The following MAST2 variants were observed in gnomAD, a reference collection of about 807,000 sequenced individuals.
MAST2 encodes microtubule associated serine/threonine kinase 2.
A neutral mutation model predicts 147.4 loss-of-function variants in MAST2; 70 were observed. The ratio of observed to expected loss-of-function variants is 0.47; its 90% CI spans 0.39 to 0.58. The LOEUF (loss-of-function observed/expected upper bound fraction) is 0.58, where lower values mean the gene tolerates loss of function less well. Ranked by LOEUF, MAST2 falls within the 20% of genes least tolerant of loss-of-function variation. The pLI, the probability that MAST2 is intolerant of heterozygous loss-of-function variation, is 0.00. For missense variants in MAST2, 2,080 were observed against 2,302.3 expected (o/e 0.90, Z 1.98); for synonymous variants, 869 against 896.8 (o/e 0.97, Z 0.55).
At chr1:45,948,049 C>T (rs1444072795) in intron 4 of MAST2, among the ~76,000 whole-genome samples, 1 of 152,144 alleles carries the variant, frequency 6.6e-6, no homozygotes, top group Non-Finnish European at 1.5e-5. Flanking sequence ...ACAACTTCAG[C>T]AAAGTTTCAG....
Position 45,849,276 on chromosome 1 carries a change from G to A in MAST2, c.468+19695G>A, listed in dbSNP as rs542806135. Among the ~76,000 whole-genome samples the A allele has an allele frequency of 2.0e-5, 3 of 152,186 alleles. No individual in the cohort carries two copies. In the South Asian group the frequency reaches 6.2e-4, roughly 32 times the overall value. ...CCAAAAAAGAGCTTGAATAGCCAAGGCAGTCCTAAGCAAAGAGAACAAAAC... is the reference window on the plus strand; with the variant it reads ...CCAAAAAAGAGCTTGAATAGCCAAGACAGTCCTAAGCAAAGAGAACAAAAC... On this transcript the variant is annotated intron_variant, in intron 3 of 28. Coordinates refer to ENST00000361297, the MANE Select transcript of MAST2 (RefSeq NM_015112.3).
Position 46,030,206 on chromosome 1 carries a change from C to T in MAST2, c.2521C>T (p.Gln841Ter), listed in dbSNP as rs1291166290. Residue 841 changes from glutamine (Q) to a stop codon, truncating the protein, a stop_gained, in exon 21 of 29, where the codon CAG becomes TAG. Transcript: ENST00000361297. LOFTEE classifies it high-confidence loss of function. ...TGAGGATGGCTGCCTTGAGATCCGCCAGTTCTCTTCCTGCTCTCCAAGGTT... is the reference window on the plus strand; with the variant it reads ...TGAGGATGGCTGCCTTGAGATCCGCTAGTTCTCTTCCTGCTCTCCAAGGTT... ...VSEDGCLEIR[Q>*]FSSCSPRFNK... 2 of 1,614,192 alleles carry T rather than the reference C, an allele frequency of 1.2e-6. No homozygotes were observed. The highest frequency in any genetic ancestry group is 1.7e-6 in the Non-Finnish European group (2 of 1,180,022).
Position 45,824,460 on chromosome 1 carries a change from C to A in MAST2, c.205C>A (p.Leu69Ile). ...TGTAGTAACTGGAGTTAGTCCCCTG[C>A]TCTTCAGGAAACTCAGTAATCCTGA... is the stretch of plus-strand genomic sequence containing the variant. Reference protein sequence around the residue: ...QDVVTGVSPLLFRKLSNPDIF... With the variant: ...QDVVTGVSPLIFRKLSNPDIF... The change falls in exon 2 of 29, where the codon CTC (leucine) becomes ATC (isoleucine). Residue 69 changes from leucine (L) to isoleucine (I), a missense_variant. Physicochemically the swap from Leu to Ile is conservative, Grantham distance 5. Transcript: ENST00000361297. 6.2e-7 allele frequency: 1 copy of A among 1,609,884 alleles called. No individual in the cohort carries two copies. Among genetic ancestry groups the A allele is most frequent in the Non-Finnish European group, 8.5e-7 (1 of 1,177,478 alleles).
chr1:45,825,992 G>A (rs1443807928), intron 2 of MAST2, among the ~76,000 whole-genome samples: 4 of 151,912 alleles, frequency 2.6e-5, no homozygotes, highest in African/African-American at 7.2e-5. Flanking sequence ...CACAAGAATC[G>A]CTTGAACCTG....
rs571863638 is a variant in MAST2 at position 46,030,122 on chromosome 1, G to A, written c.2444-7G>A. ...CTGAAGGAAAGTGTCCTTTATGTCT[G>A]GCCCAGCCCGCTCAGAGCGATACCA... On this transcript the variant is annotated splice_polypyrimidine_tract_variant and splice_region_variant and intron_variant, in intron 20 of 28. Coordinates refer to ENST00000361297, the MANE Select transcript of MAST2 (RefSeq NM_015112.3). 6.2e-7 allele frequency: 1 copy of A among 1,613,866 alleles called. No individual in the cohort carries two copies. Among genetic ancestry groups the A allele is most frequent in the Non-Finnish European group, 8.5e-7 (1 of 1,179,730 alleles).
chr1:45,857,126 T>A (rs1645815393), intron 3 of MAST2, among the ~76,000 whole-genome samples: 1 of 152,230 alleles, frequency 6.6e-6, no homozygotes, highest in African/African-American at 2.4e-5. Flanking sequence ...TTAATGCCTG[T>A]CTACATCCAC....
At chr1:45,909,527 T>C (rs77669167) in intron 4 of MAST2, among the ~76,000 whole-genome samples, 2 of 151,652 alleles carry the variant, frequency 1.3e-5, no homozygotes, top group South Asian at 2.1e-4. Flanking sequence ...TTTTTTTTTT[T>C]CCTTCTTTTT....
At chr1:46,011,719 C>T (rs1645722707) in intron 10 of MAST2, among the ~76,000 whole-genome samples, 1 of 152,184 alleles carries the variant, frequency 6.6e-6, no homozygotes, top group Non-Finnish European at 1.5e-5. Flanking sequence ...CAGACCAAGA[C>T]CTCTCTCTCT....
At chr1:45,923,714 G>A (rs1326952394) in intron 4 of MAST2, among the ~76,000 whole-genome samples, 4 of 152,068 alleles carry the variant, frequency 2.6e-5, no homozygotes, top group East Asian at 3.9e-4. Context: ...AATATCATAC[G>A]TTCTGAACCA....
intron 4 of MAST2, among the ~76,000 whole-genome samples, chr1:45,958,550 C>T (rs959066973): frequency 1.3e-5 from 2 of 151,380 alleles, no homozygotes; most frequent in Non-Finnish European, 2.9e-5. Context: ...CCCCCTCTCC[C>T]CCTCTCCCTC....
At chr1:45,956,777 G>C (rs1227774521) in intron 4 of MAST2, among the ~76,000 whole-genome samples, 5 of 152,148 alleles carry the variant, frequency 3.3e-5, no homozygotes, top group Middle Eastern at 3.2e-3. Context: ...GCCAGCTATT[G>C]GTTATTTGGA....
chr1:45,841,038 G>A (rs549507540), intron 3 of MAST2, among the ~76,000 whole-genome samples: 1 of 152,218 alleles, frequency 6.6e-6, no homozygotes, highest in Admixed American at 6.5e-5. Context: ...TGGACCTCTT[G>A]GGCTTGAGTG....
chr1:45,806,928 G>A (rs1344362280), intron 1 of MAST2, among the ~76,000 whole-genome samples: 4 of 152,072 alleles, frequency 2.6e-5, no homozygotes, highest in Admixed American at 2.0e-4. Context: ...GGCTAGCCTC[G>A]AACTCCTGGG....
intron 4 of MAST2, among the ~76,000 whole-genome samples, chr1:45,900,394 G>A (rs1021556050): frequency 4.0e-4 from 61 of 150,804 alleles, no homozygotes; most frequent in African/African-American, 1.5e-3. Context: ...GTATAAGATG[G>A]TATCTTATTG....
chr1:46,021,876 T>C (rs1646197638), intron 11 of MAST2, 74 bp from the exon 12 acceptor site: 6 of 1,457,464 alleles, frequency 4.1e-6, no homozygotes, highest in Non-Finnish European at 5.7e-6. Flanking sequence ...GTCTACTATA[T>C]GCTGTAAAAC....
At chr1:45,834,536 A>G (rs1645047990) in intron 3 of MAST2, among the ~76,000 whole-genome samples, 1 of 152,182 alleles carries the variant, frequency 6.6e-6, no homozygotes, top group Admixed American at 6.5e-5. Context: ...AGATCGTAGA[A>G]TCATATTATT....
At position 45,966,861 on chromosome 1, in the gene MAST2, C is replaced by CTTT. The variant is rs58072402; in HGVS notation, c.592+7405_592+7407dup. Among the ~76,000 whole-genome samples, 55 of 111,062 alleles carry CTTT rather than the reference C, an allele frequency of 5.0e-4. 1 individual carries two copies. The highest frequency in any genetic ancestry group is 1.6e-3 in the African/African-American group (45 of 28,834). 72.9% of individuals were successfully genotyped at this position (111,062 alleles called of 152,430 possible). On this transcript the variant is annotated intron_variant, in intron 5 of 28. Transcript: ENST00000361297. Reference sequence around the variant, plus strand: ...GTGGTGTCAGTGTGTGGATCTGGGTCTTTTTTTTTTTTTTTTTTTTTTTAA... The same window carrying CTTT: ...GTGGTGTCAGTGTGTGGATCTGGGTCTTTTTTTTTTTTTTTTTTTTTTTTTTAA...
In MAST2 at chr1:46,027,855, G is replaced by A; in HGVS notation, c.2044G>A (p.Asp682Asn). The A allele has an allele frequency of 6.2e-7, 1 of 1,614,114 alleles. No homozygotes were observed. ...TGAAAAGGATGCCCGGGAATTCCTG[G>A]ACAAGCAGGTAAGGAAGGGTAGTTG... ...HIEKDAREFL[D>N]KQVCGTPEYI... Residue 682 changes from aspartate to asparagine, a missense_variant, in exon 17 of 29, where the codon GAC (aspartate) becomes AAC (asparagine). Asp to Asn is a conservative substitution (Grantham distance 23). Around this residue, in one of 4 missense-constraint regions of MAST2, gnomAD observed 209 missense variants for 309.5 expected, o/e 0.68. Transcript: ENST00000361297.
At chr1:45,987,999 G>C (rs189492744) in intron 5 of MAST2, among the ~76,000 whole-genome samples, 143 of 151,722 alleles carry the variant, frequency 9.4e-4, no homozygotes, top group African/African-American at 3.2e-3. Flanking sequence ...AACTGCTTTA[G>C]TGGTATGACA....
Sources: allele counts gnomAD v4.1 joint callset (sites outside exome capture counted in the v4.1 genomes callset), GRCh38; gene constraint gnomAD v4.1.1; regional missense constraint gnomAD v4.1.1; transcripts MANE v1.5; gene names NCBI Gene and HGNC (gene_info 2026-07-23, HGNC 2026-07-21).